The following BRINP1 variants were observed in gnomAD, a reference collection of about 807,000 sequenced individuals.
The protein encoded by BRINP1 is BMP/retinoic acid-inducible neural-specific protein 1.
A neutral mutation model predicts 72.9 loss-of-function variants in BRINP1; 17 were observed. That is an observed-to-expected ratio of 0.23 (90% confidence interval 0.16 to 0.35). BRINP1 has a LOEUF of 0.35. BRINP1 is among the 10% of genes least tolerant of loss of function. BRINP1 has a pLI of 1.00. For synonymous variants in BRINP1, 418 were observed against 378.5 expected (o/e 1.10, Z -1.21); for missense variants, 850 against 1,001.6 (o/e 0.85, Z 2.04).
At chr9:119,355,977 A>G (rs772649440) in intron 1 of BRINP1, among the ~76,000 whole-genome samples, 50 of 152,090 alleles carry the variant, frequency 3.3e-4, no homozygotes, top group Non-Finnish European at 6.8e-4. Context: ...CTTTTTAAAA[A>G]TTTGGTATAG....
rs1334871976 is a variant in BRINP1 at position 119,167,030 on chromosome 9, T to G, written c.*54A>C. On this transcript the variant is annotated 3_prime_UTR_variant, in exon 8 of 8. Transcript: ENST00000265922. The surrounding 1 kb of genome is among the most constrained non-coding windows in gnomAD (Gnocchi z 4.3). ...TTTTTTGTTTTGTTTTGCTTCATTT[T>G]GTTCTGTTGTGTGTGTACAACAACA... 1 of 1,486,072 alleles carries G rather than the reference T, an allele frequency of 6.7e-7. No individual in the cohort carries two copies. Among genetic ancestry groups the G allele is most frequent in the Non-Finnish European group, 9.0e-7 (1 of 1,110,708 alleles). The allele number at this position is 1,486,072 out of a possible 1,614,324, so 92.1% of individuals were successfully genotyped here. A position where few individuals can be genotyped will look rare whatever the true frequency, so the allele number is the denominator to read the frequency against.
intron 7 of BRINP1, among the ~76,000 whole-genome samples, chr9:119,207,045 G>T (rs1829865044): frequency 6.6e-6 from 1 of 152,196 alleles, no homozygotes; most frequent in East Asian, 1.9e-4. Flanking sequence ...GAGTTTGAAT[G>T]TCTGTACAAG....
intron 2 of BRINP1, among the ~76,000 whole-genome samples, chr9:119,255,222 A>G (rs1432847902): frequency 6.6e-6 from 1 of 152,226 alleles, no homozygotes; most frequent in Non-Finnish European, 1.5e-5. Context: ...TTTCCTTCTG[A>G]GTGCACAGAA....
chr9:119,167,195 T>C lies in BRINP1; in HGVS notation c.2175A>G (p.Lys725=), dbSNP rs748872230. The C allele has an allele frequency of 1.9e-6, 3 of 1,614,082 alleles. No individual in the cohort carries two copies. Among genetic ancestry groups the C allele is most frequent in the Non-Finnish European group, 2.5e-6 (3 of 1,180,026 alleles). ...PQLDLFSCML[K]HRLKLTNSEI... is the part of the protein sequence containing the mutation. ...CGCTGTTGGTCAGTTTCAGGCGGTG[T>C]TTCAGCATACAGGAGAACAAGTCCA... is the stretch of plus-strand genomic sequence containing the variant. The change falls in exon 8 of 8, where the codon AAA becomes AAG. Residue 725 remains lysine, a synonymous_variant. Coordinates refer to ENST00000265922, the MANE Select transcript of BRINP1 (RefSeq NM_014618.3). This position sits in a 1 kb window ranked among gnomAD's most constrained non-coding sequence, Gnocchi z 4.3.
chr9:119,340,584 T>C (rs1018875171), intron 1 of BRINP1, among the ~76,000 whole-genome samples: 3 of 152,204 alleles, frequency 2.0e-5, no homozygotes, highest in East Asian at 3.9e-4. Flanking sequence ...TCCCATTCTA[T>C]ATAGGGCTCA....
chr9:119,304,266 C>T (rs1468283900), intron 2 of BRINP1, among the ~76,000 whole-genome samples: 1 of 152,146 alleles, frequency 6.6e-6, no homozygotes, highest in Non-Finnish European at 1.5e-5. Context: ...AATTGAGGCT[C>T]ACATGGTTTA....
At chr9:119,269,305 A>G (rs1830584264) in intron 2 of BRINP1, among the ~76,000 whole-genome samples, 1 of 152,224 alleles carries the variant, frequency 6.6e-6, no homozygotes, top group African/African-American at 2.4e-5. Context: ...CGTTGAGTGC[A>G]GGAACTTGCA....
At chr9:119,248,926 T>C (rs1222192623) in intron 3 of BRINP1, 34 bp downstream of exon 3, 3 of 1,582,236 alleles carry the variant, frequency 1.9e-6, no homozygotes, top group Non-Finnish European at 2.6e-6. Context: ...CCCAAAGTCA[T>C]GAGAAGGCTC....
chr9:119,196,035 TCAAA>T (rs1489466004), intron 7 of BRINP1, among the ~76,000 whole-genome samples: 3 of 152,212 alleles, frequency 2.0e-5, no homozygotes, highest in Non-Finnish European at 4.4e-5. Flanking sequence ...CTAAACTTAT[TCAAA>T]CAGATACCAC....
At chr9:119,309,667 A>T (rs1205703858) in intron 2 of BRINP1, among the ~76,000 whole-genome samples, 1 of 152,234 alleles carries the variant, frequency 6.6e-6, no homozygotes, top group Non-Finnish European at 1.5e-5. Context: ...GGTAGGGCAG[A>T]CATCATTATC....
intron 1 of BRINP1, among the ~76,000 whole-genome samples, chr9:119,315,843 C>T (rs763313324): frequency 6.6e-6 from 1 of 152,142 alleles, no homozygotes. Context: ...TTCCCTTAAG[C>T]CAAAGCCTAA....
chr9:119,220,912 C>A (rs1268491846), intron 5 of BRINP1, among the ~76,000 whole-genome samples: 2 of 151,974 alleles, frequency 1.3e-5, no homozygotes, highest in Non-Finnish European at 2.9e-5. Flanking sequence ...TCAATCTAAG[C>A]CTTTCTTATG....
intron 5 of BRINP1, among the ~76,000 whole-genome samples, chr9:119,229,736 C>T (rs1014211600): frequency 1.6e-4 from 24 of 151,958 alleles, no homozygotes; most frequent in African/African-American, 5.3e-4. Context: ...TACAGTAGGC[C>T]CTCAGGAAAT....
chr9:119,243,967 T>C (rs994451987), intron 3 of BRINP1, among the ~76,000 whole-genome samples: 1 of 152,232 alleles, frequency 6.6e-6, no homozygotes, highest in African/African-American at 2.4e-5. Flanking sequence ...CTGGATGATC[T>C]GGGCACTCCA....
chr9:119,251,118 A>G lies in BRINP1; in HGVS notation c.219-1968T>C, dbSNP rs548232198. Among the ~76,000 whole-genome samples the G allele has an allele frequency of 2.3e-4, 35 of 152,312 alleles. No individual in the cohort carries two copies. The South Asian group carries it at 5.4e-3, about 23-fold the overall frequency. ...GTCTGAGTAAGAAATCTCTGTCCAT[A>G]ATTCAAGACATAGTTCAAATTTGAA... On this transcript the variant is annotated intron_variant, in intron 2 of 7. Transcript: ENST00000265922.
chr9:119,355,474 A>G (rs555197587), intron 1 of BRINP1, among the ~76,000 whole-genome samples: 2 of 152,250 alleles, frequency 1.3e-5, no homozygotes, highest in South Asian at 4.2e-4. Flanking sequence ...CACGCCTGTA[A>G]TCCCAGCACT....
intron 1 of BRINP1, among the ~76,000 whole-genome samples, chr9:119,323,286 A>C (rs1564248166): frequency 6.6e-6 from 1 of 152,328 alleles, no homozygotes; most frequent in Non-Finnish European, 1.5e-5. Context: ...CAAAAATTCC[A>C]AAGAGAGAAA....
intron 2 of BRINP1, among the ~76,000 whole-genome samples, chr9:119,298,912 T>A (rs1172458177): frequency 2.0e-5 from 3 of 152,126 alleles, no homozygotes; most frequent in Non-Finnish European, 2.9e-5. Flanking sequence ...TTTGAGCCAA[T>A]ACTTTTTTTT....
At chr9:119,248,827 G>T in intron 3 of BRINP1, 133 bp downstream of exon 3, 1 of 763,534 alleles carries the variant, frequency 1.3e-6, no homozygotes. Flanking sequence ...GGCTTACCTG[G>T]CTATAAATGC....
Sources: allele counts gnomAD v4.1 joint callset (sites outside exome capture counted in the v4.1 genomes callset), GRCh38; gene constraint gnomAD v4.1.1; non-coding constraint Gnocchi (gnomAD v3.1); transcripts MANE v1.5; gene names NCBI Gene and HGNC (gene_info 2026-07-23, HGNC 2026-07-21).